Variants in TRPM7 observed in about 807,000 individuals in gnomAD.
TRPM7 encodes the protein transient receptor potential cation channel subfamily M member 7, also known as LTRPC ion channel family member 7.
Under a neutral mutation model 229.7 loss-of-function variants are expected in TRPM7, and 134 were observed. The observed-to-expected ratio is 0.58, with a 90% confidence interval of 0.51 to 0.67. The LOEUF (loss-of-function observed/expected upper bound fraction) is 0.67. Among genes scored for constraint, TRPM7 ranks in the 30% least tolerant of loss-of-function variants. The pLI, the probability that TRPM7 is intolerant of heterozygous loss-of-function variation, is 0.00. For synonymous variants in TRPM7, 699 were observed against 715.2 expected, an observed-to-expected ratio of 0.98 and a Z score of 0.36; for missense variants, 1,901 against 2,210.0, an observed-to-expected ratio of 0.86 and a Z score of 2.80.
At chr15:50,620,884 A>G (rs1469711044) in intron 12 of TRPM7, among the ~76,000 whole-genome samples, 1 of 151,760 alleles carries the variant, frequency 6.6e-6, no homozygotes, top group Non-Finnish European at 1.5e-5. Context: ...GTAAGCCGAG[A>G]TCGCGTCATT....
intron 11 of TRPM7, among the ~76,000 whole-genome samples, chr15:50,625,005 C>T (rs1189871792): frequency 6.6e-6 from 1 of 152,154 alleles, no homozygotes; most frequent in Non-Finnish European, 1.5e-5. Flanking sequence ...TAATATAACA[C>T]ATCTGTATCA....
At chr15:50,665,615 A>C (rs1235244144) in intron 1 of TRPM7, among the ~76,000 whole-genome samples, 2 of 152,202 alleles carry the variant, frequency 1.3e-5, no homozygotes, top group Non-Finnish European at 2.9e-5. Context: ...ATAATAGTGA[A>C]AATTCTATGC....
In TRPM7 at chr15:50,643,539, T is replaced by C; in HGVS notation, c.336A>G (p.Ser112=). The change falls in exon 5 of 39, where the codon TCA becomes TCG. Residue 112 remains serine, a synonymous_variant. Transcript: ENST00000646667. The part of the protein sequence containing the change: ...HSYRAKYVRL[S]YDTKPEVILQ... The stretch of plus-strand genomic sequence containing the variant: ...GAATGACTTCAGGTTTGGTGTCATA[T>C]GATAGCCTCACATACTAGAAAAAGA... The C allele has an allele frequency of 6.2e-7, 1 of 1,613,996 alleles. No individual in the cohort carries two copies.
At chr15:50,586,112 T>C (rs954108837) in intron 28 of TRPM7, among the ~76,000 whole-genome samples, 13 of 152,220 alleles carry the variant, frequency 8.5e-5, no homozygotes, top group African/African-American at 2.9e-4. Context: ...ATGATACAGA[T>C]GAACAGATAC....
Position 50,592,294 on chromosome 15 carries a change from T to C in TRPM7, c.3941A>G (p.His1314Arg), listed in dbSNP as rs775269209. 13 of 1,613,872 alleles carry C rather than the reference T, an allele frequency of 8.1e-6. No homozygotes were observed. Among genetic ancestry groups the C allele is most frequent in the Non-Finnish European group, 8.5e-6 (10 of 1,179,920 alleles). Residue 1314 changes from histidine to arginine, a missense_variant, in exon 26 of 39, where the codon CAT becomes CGT. Transcript: ENST00000646667. ...QGDLESNNPF[H>R]CNILMKDDKD... ...GTCATCTTTCATTAAAATATTACAATGAAAAGGATTATTACTTTCAAGATC... is the reference window on the plus strand; with the variant it reads ...GTCATCTTTCATTAAAATATTACAACGAAAAGGATTATTACTTTCAAGATC...
intron 10 of TRPM7, among the ~76,000 whole-genome samples, chr15:50,628,964 G>A (rs977455546): frequency 6.6e-6 from 1 of 152,012 alleles, no homozygotes; most frequent in Admixed American, 6.6e-5. Flanking sequence ...CCTTGATATC[G>A]TACCTTGGTT....
intron 12 of TRPM7, among the ~76,000 whole-genome samples, chr15:50,621,308 G>A (rs754078068): frequency 6.6e-6 from 1 of 152,000 alleles, no homozygotes; most frequent in African/African-American, 2.4e-5. Context: ...TGGGGGTATT[G>A]GGGAATTTCA....
chr15:50,564,243 T>C (rs569167724), intron 38 of TRPM7, among the ~76,000 whole-genome samples: 2 of 130,170 alleles, frequency 1.5e-5, no homozygotes, highest in East Asian at 2.4e-4. Flanking sequence ...AGTGAGACTG[T>C]CTCAAAAAAT....
intron 28 of TRPM7, among the ~76,000 whole-genome samples, chr15:50,584,764 G>A (rs766082561): frequency 2.0e-5 from 3 of 151,892 alleles, no homozygotes; most frequent in South Asian, 2.1e-4. Context: ...TTAGATTTTG[G>A]GATGTTCAAT....
At chr15:50,610,082 C>T in intron 17 of TRPM7, 121 bp from the exon 18 acceptor site, 1 of 745,690 alleles carries the variant, frequency 1.3e-6, no homozygotes, top group Non-Finnish European at 2.0e-6. Flanking sequence ...AGCCATTTTG[C>T]CCCTAGCAGT....
chr15:50,611,663 T>A (rs1007162312), intron 16 of TRPM7, among the ~76,000 whole-genome samples: 1 of 152,162 alleles, frequency 6.6e-6, no homozygotes, highest in Non-Finnish European at 1.5e-5. Flanking sequence ...CAGAAAACAG[T>A]TGGTACCTGG....
At chr15:50,637,625 C>A in intron 6 of TRPM7, 32 bp from the exon 7 acceptor site, 1 of 1,587,516 alleles carries the variant, frequency 6.3e-7, no homozygotes, top group Non-Finnish European at 8.6e-7. Context: ...AGTTAGTGAG[C>A]AGGATTAAAT....
At chr15:50,658,865 A>G (rs1340161993) in intron 2 of TRPM7, among the ~76,000 whole-genome samples, 1 of 152,232 alleles carries the variant, frequency 6.6e-6, no homozygotes, top group African/African-American at 2.4e-5. Flanking sequence ...ACTAAAACAA[A>G]TTACAATTCA....
At chr15:50,585,206 C>T (rs28380412) in intron 28 of TRPM7, among the ~76,000 whole-genome samples, 3,618 of 152,106 alleles carry the variant, frequency 0.024, 136 homozygotes, top group African/African-American at 0.082. Context: ...GGACTACAGG[C>T]GCCCGCCACC....
chr15:50,592,651 T>A lies in TRPM7; in HGVS notation c.3609-25A>T, dbSNP rs183693014. 6.1e-5 allele frequency: 88 copies of A among 1,441,706 alleles called. No individual in the cohort carries two copies. In the African/African-American group the frequency reaches 1.1e-3, roughly 18 times the overall value. The allele number at this position is 1,441,706 out of a possible 1,614,324, so 89.3% of individuals were successfully genotyped here. On this transcript the variant is annotated intron_variant, in intron 25 of 38. Coordinates refer to ENST00000646667, the MANE Select transcript of TRPM7 (RefSeq NM_017672.6). ...TCTGTAGGAGAGAAATAAGCTTTTT[T>A]TACAAATGTGAAAAAATAATGTAGA...
intron 38 of TRPM7, among the ~76,000 whole-genome samples, chr15:50,562,983 T>A (rs1056637006): frequency 6.6e-6 from 1 of 152,124 alleles, no homozygotes; most frequent in Admixed American, 6.5e-5. Context: ...GCAAAGACTG[T>A]CAGAAGGAAT....
intron 6 of TRPM7, among the ~76,000 whole-genome samples, chr15:50,638,334 G>A (rs1321147822): frequency 4.9e-5 from 6 of 121,416 alleles, no homozygotes; most frequent in Non-Finnish European, 9.6e-5. Flanking sequence ...ACTCCAGCCT[G>A]GGCGACAGAG....
In TRPM7 at chr15:50,679,962, G is replaced by A. The variant is rs925238237; in HGVS notation, c.3+6569C>T. On this transcript the variant is annotated intron_variant, in intron 1 of 38. Coordinates refer to ENST00000646667, the MANE Select transcript of TRPM7 (RefSeq NM_017672.6). ...GTCAAAATAAAATGCATGACCGGGCGGTGGCTCACGCTTGTAATCCCAGCA... is the reference window on the plus strand; with the variant it reads ...GTCAAAATAAAATGCATGACCGGGCAGTGGCTCACGCTTGTAATCCCAGCA... Among the ~76,000 whole-genome samples, 10 of 152,038 alleles carry A rather than the reference G, an allele frequency of 6.6e-5. No homozygotes were observed. In the South Asian group the frequency reaches 8.3e-4, roughly 13 times the overall value.
intron 26 of TRPM7, among the ~76,000 whole-genome samples, chr15:50,591,095 G>A (rs1385145874): frequency 6.6e-6 from 1 of 152,108 alleles, no homozygotes; most frequent in East Asian, 1.9e-4. Flanking sequence ...GCTATCATAG[G>A]TATAAGAATA....
Sources: allele counts gnomAD v4.1 joint callset (sites outside exome capture counted in the v4.1 genomes callset), GRCh38; gene constraint gnomAD v4.1.1; transcripts MANE v1.5; gene names NCBI Gene and HGNC (gene_info 2026-07-23, HGNC 2026-07-21).